CLSTN2: variants seen among roughly 807,000 people sequenced by gnomAD.
The protein encoded by CLSTN2 is calsyntenin-2.
In CLSTN2, 48 loss-of-function variants were observed where a neutral mutation model predicts 101.2. The observed-to-expected ratio is 0.47, with a 90% confidence interval of 0.38 to 0.60. The LOEUF is 0.60. Among genes scored for constraint, CLSTN2 ranks in the 20% least tolerant of loss-of-function variants. The probability of loss-of-function intolerance (pLI) is 0.00; values close to 1 mark genes in which losing one functional copy is unlikely to be tolerated. For missense variants in CLSTN2, 1,160 were observed against 1,238.2 expected (o/e 0.94, Z 0.95); for synonymous variants, 481 against 463.6 (o/e 1.04, Z -0.48).
chr3:139,991,396 A>G (rs1644688699), intron 1 of CLSTN2, among the ~76,000 whole-genome samples: 1 of 152,262 alleles, frequency 6.6e-6, no homozygotes, highest in Admixed American at 6.5e-5. Context: ...TTACTGTTTA[A>G]TATTGCTTTA....
At chr3:140,171,629 T>TGTGTGTGTGTGTGTTTGCACTTCTCAG (rs1559797083) in intron 1 of CLSTN2, among the ~76,000 whole-genome samples, 15 of 124,164 alleles carry the variant, frequency 1.2e-4, no homozygotes, top group African/African-American at 4.3e-4. Flanking sequence ...ATATAATATG[T>TGTGTGTGTGTGTGTTTGCACTTCTCAG]ATTATATATT....
chr3:139,949,571 C>T (rs115719987), intron 1 of CLSTN2, among the ~76,000 whole-genome samples: 2,064 of 152,224 alleles, frequency 0.014, 34 homozygotes, highest in African/African-American at 0.047. Context: ...GGCTGGGGAG[C>T]GGAAGCTAGA....
intron 9 of CLSTN2, among the ~76,000 whole-genome samples, chr3:140,532,783 C>T (rs555835127): frequency 6.6e-6 from 1 of 152,266 alleles, no homozygotes; most frequent in African/African-American, 2.4e-5. Flanking sequence ...CAAACTGGGG[C>T]AATGCAGAGA....
intron 4 of CLSTN2, among the ~76,000 whole-genome samples, chr3:140,419,192 C>A (rs540312271): frequency 6.6e-6 from 1 of 151,220 alleles, no homozygotes; most frequent in Non-Finnish European, 1.5e-5. Context: ...TAAAAATATA[C>A]CTGAGTCAGG....
chr3:140,054,432 A>T (rs1211108435), intron 1 of CLSTN2, among the ~76,000 whole-genome samples: 1 of 152,204 alleles, frequency 6.6e-6, no homozygotes, highest in Non-Finnish European at 1.5e-5. Context: ...TGTGAAAAAA[A>T]AATGTGAACT....
At chr3:140,390,313 A>G (rs1416694286) in intron 2 of CLSTN2, among the ~76,000 whole-genome samples, 1 of 152,156 alleles carries the variant, frequency 6.6e-6, no homozygotes, top group Admixed American at 6.5e-5. Flanking sequence ...TGTTTGTATT[A>G]TCTTCAGTTC....
intron 2 of CLSTN2, among the ~76,000 whole-genome samples, chr3:140,239,904 C>T (rs2086445190): frequency 7.8e-6 from 1 of 128,678 alleles, no homozygotes; most frequent in South Asian, 2.8e-4. Context: ...TATACATACA[C>T]ACAAACACTC....
chr3:140,366,518 C>T (rs113361874), intron 2 of CLSTN2, among the ~76,000 whole-genome samples: 1 of 152,210 alleles, frequency 6.6e-6, no homozygotes, highest in South Asian at 2.1e-4. Context: ...ACAGAGGTGC[C>T]TGAGGAGGAC....
intron 9 of CLSTN2, 49 bp from the exon 10 acceptor site, chr3:140,546,466 G>A (rs775780471): frequency 3.2e-6 from 5 of 1,587,202 alleles, no homozygotes; most frequent in Admixed American, 3.4e-5. Context: ...TTGAGGTGCT[G>A]TTTCCTACCC....
intron 1 of CLSTN2, among the ~76,000 whole-genome samples, chr3:140,027,338 C>T (rs556221436): frequency 6.6e-6 from 1 of 152,072 alleles, no homozygotes; most frequent in Non-Finnish European, 1.5e-5. Context: ...TAACTGATGT[C>T]TTTATAAGAA....
At chr3:140,081,255 C>A (rs2107781225) in intron 1 of CLSTN2, among the ~76,000 whole-genome samples, 1 of 152,218 alleles carries the variant, frequency 6.6e-6, no homozygotes, top group Non-Finnish European at 1.5e-5. Flanking sequence ...CAAGACACTA[C>A]TAAAAATGAA....
intron 5 of CLSTN2, among the ~76,000 whole-genome samples, chr3:140,429,026 T>G (rs1316447007): frequency 6.6e-6 from 1 of 152,128 alleles, no homozygotes; most frequent in Non-Finnish European, 1.5e-5. Flanking sequence ...AAATACTTAC[T>G]AGATGCTGAG....
chr3:140,364,372 A>G (rs2087761784), intron 2 of CLSTN2, among the ~76,000 whole-genome samples: 1 of 152,180 alleles, frequency 6.6e-6, no homozygotes, highest in Non-Finnish European at 1.5e-5. Flanking sequence ...CACGAGTTTG[A>G]GAAACCAACA....
At position 140,339,215 on chromosome 3, in the gene CLSTN2, C is replaced by G. The variant is rs2087469588; in HGVS notation, c.233-64414C>G. ...TCAAAGGTTCTCAGGGAAATTTTTT[C>G]CATTTGGACTATTTGTGCTTTTTTG... On this transcript the variant is annotated intron_variant, in intron 2 of 16. Coordinates refer to ENST00000458420, the MANE Select transcript of CLSTN2 (RefSeq NM_022131.3). Among the ~76,000 whole-genome samples the G allele has an allele frequency of 2.6e-5, 4 of 152,106 alleles. No homozygotes were observed. In the South Asian group the frequency reaches 8.3e-4, roughly 32 times the overall value.
chr3:140,064,495 C>A (rs539487137), intron 1 of CLSTN2, among the ~76,000 whole-genome samples: 1 of 152,272 alleles, frequency 6.6e-6, no homozygotes, highest in Non-Finnish European at 1.5e-5. Context: ...AAAAGCATAG[C>A]TTTCTTAAAC....
intron 1 of CLSTN2, among the ~76,000 whole-genome samples, chr3:140,109,879 G>A (rs759021522): frequency 6.6e-6 from 1 of 152,100 alleles, no homozygotes. Flanking sequence ...TACAAGTCAT[G>A]CTCCTCTCTG....
At chr3:140,211,010 T>C (rs1031889755) in intron 2 of CLSTN2, among the ~76,000 whole-genome samples, 1 of 152,130 alleles carries the variant, frequency 6.6e-6, no homozygotes, top group African/African-American at 2.4e-5. Context: ...GTGAATATGA[T>C]TTTAAAGAAA....
In CLSTN2 at chr3:140,571,881, C is replaced by A. The variant is rs1985564647; in HGVS notation, c.*5628C>A. 1 of 152,316 alleles carries A rather than the reference C, an allele frequency of 6.6e-6. No individual in the cohort carries two copies. Among genetic ancestry groups the A allele is most frequent in the African/African-American group, 2.4e-5 (1 of 41,464 alleles). 9.4% of individuals were successfully genotyped at this position (152,316 alleles called of 1,614,324 possible). On this transcript the variant is annotated 3_prime_UTR_variant, in exon 17 of 17. Coordinates refer to ENST00000458420, the MANE Select transcript of CLSTN2 (RefSeq NM_022131.3). ...ACAGAAGAAGTTACCTCCAGCAGCA[C>A]CCCAGAAAGCTGACAGATATTCCCT...
At chr3:140,237,054 A>G (rs931939769) in intron 2 of CLSTN2, among the ~76,000 whole-genome samples, 1 of 152,076 alleles carries the variant, frequency 6.6e-6, no homozygotes, top group Non-Finnish European at 1.5e-5. Flanking sequence ...TTTGCATGCC[A>G]AATAATTTTT....
Sources: allele counts gnomAD v4.1 joint callset (sites outside exome capture counted in the v4.1 genomes callset), GRCh38; gene constraint gnomAD v4.1.1; transcripts MANE v1.5; gene names NCBI Gene and HGNC (gene_info 2026-07-23, HGNC 2026-07-21).